DAB1: variants seen among roughly 807,000 people sequenced by gnomAD.
DAB1 encodes DAB adaptor protein 1, also known as disabled homolog 1.
In DAB1, 15 loss-of-function variants were observed where a neutral mutation model predicts 64.6. The ratio of observed to expected loss-of-function variants is 0.23; its 90% confidence interval spans 0.16 to 0.36. DAB1 has a LOEUF of 0.36. Ranked by LOEUF, DAB1 falls within the 10% of genes least tolerant of loss-of-function variation. DAB1 has a pLI of 1.00. For missense variants in DAB1, 596 were observed against 706.7 expected (o/e 0.84, Z 1.78); for synonymous variants, 235 against 251.9 (o/e 0.93, Z 0.64).
chr1:57,765,786 GTATTTTTATT>G (rs1165818304), intron 6 of DAB1, among the ~76,000 whole-genome samples: 1 of 152,054 alleles, frequency 6.6e-6, no homozygotes, highest in East Asian at 1.9e-4. Flanking sequence ...CTACTCCTTT[GTATTTTTATT>G]TATTTTTATT....
chr1:57,191,260 T>C (rs1368412793), intron 2 of DAB1, among the ~76,000 whole-genome samples: 5 of 152,180 alleles, frequency 3.3e-5, no homozygotes, highest in African/African-American at 1.2e-4. Flanking sequence ...TGGCCAAAGT[T>C]TCTTCCTCTG....
At chr1:58,415,373 T>A in intron 3 of DAB1, 2 of 241,262 alleles carry the variant, frequency 8.3e-6, no homozygotes, top group Non-Finnish European at 1.3e-5. Flanking sequence ...CATCACAACT[T>A]TTACGATTTA....
At chr1:57,787,691 C>A (rs112779407) in intron 6 of DAB1, among the ~76,000 whole-genome samples, 1,786 of 152,024 alleles carry the variant, frequency 0.012, 29 homozygotes, top group African/African-American at 0.042. Context: ...TTAAAATCTT[C>A]GGCTTTTCAA....
chr1:58,477,351 T>C (rs767553093), intron 3 of DAB1, among the ~76,000 whole-genome samples: 2 of 152,184 alleles, frequency 1.3e-5, no homozygotes, highest in Admixed American at 6.5e-5. Flanking sequence ...TCAGATAAAA[T>C]TGTCAAGGAA....
chr1:57,438,394 G>GT (rs897496588), intron 7 of DAB1, among the ~76,000 whole-genome samples: 19 of 150,774 alleles, frequency 1.3e-4, no homozygotes, highest in Non-Finnish European at 2.5e-4. Context: ...ATAGTGGTTT[G>GT]TTTTTTTTTC....
chr1:57,588,811 T>C lies in DAB1; in HGVS notation n.625+60781A>G, dbSNP rs1201030357. On this transcript the variant is annotated intron_variant and non_coding_transcript_variant, in intron 7 of 20. Coordinates refer to the DAB1 transcript ENST00000485760. ...ATTTTAGCATATAATGAAGAAGGTATTTTAAAACTGGGGAAAAGGATAAAT... is the reference window on the plus strand; with the variant it reads ...ATTTTAGCATATAATGAAGAAGGTACTTTAAAACTGGGGAAAAGGATAAAT... Among the ~76,000 whole-genome samples, 4 of 152,170 alleles carry C rather than the reference T, an allele frequency of 2.6e-5. No homozygotes were observed. The East Asian group carries it at 7.7e-4, about 29-fold the overall frequency.
At chr1:57,563,798 G>A (rs1460300036) in intron 7 of DAB1, among the ~76,000 whole-genome samples, 4 of 152,168 alleles carry the variant, frequency 2.6e-5, no homozygotes, top group Non-Finnish European at 4.4e-5. Flanking sequence ...CTGGAAGCTC[G>A]AACTAGGTGG....
chr1:58,471,983 T>G (rs1256026558), intron 3 of DAB1, among the ~76,000 whole-genome samples: 1 of 152,248 alleles, frequency 6.6e-6, no homozygotes, highest in Non-Finnish European at 1.5e-5. Context: ...TTATAGTGAG[T>G]GCAAAATTGG....
intron 6 of DAB1, among the ~76,000 whole-genome samples, chr1:57,806,474 A>G (rs2101878915): frequency 1.3e-5 from 2 of 152,298 alleles, no homozygotes; most frequent in Middle Eastern, 6.8e-3. Flanking sequence ...TTTGTCTTCA[A>G]ACCAAGGCAA....
chr1:58,013,708 A>G (rs1646701152), intron 5 of DAB1, among the ~76,000 whole-genome samples: 1 of 152,114 alleles, frequency 6.6e-6, no homozygotes. Context: ...AATAATAACC[A>G]GTGGTTTGCT....
At chr1:58,148,963 G>T (rs950674402) in intron 5 of DAB1, among the ~76,000 whole-genome samples, 1 of 152,132 alleles carries the variant, frequency 6.6e-6, no homozygotes, top group Non-Finnish European at 1.5e-5. Flanking sequence ...GCCTGGAATG[G>T]TCTTTACTCC....
chr1:58,037,393 C>G (rs1302606193), intron 5 of DAB1, among the ~76,000 whole-genome samples: 28 of 152,128 alleles, frequency 1.8e-4, no homozygotes, highest in Admixed American at 1.8e-3. Context: ...TGGATGAATA[C>G]TAGTCTGTGG....
At chr1:57,653,888 G>A (rs1193665295) in intron 6 of DAB1, among the ~76,000 whole-genome samples, 1 of 152,196 alleles carries the variant, frequency 6.6e-6, no homozygotes, top group Non-Finnish European at 1.5e-5. Context: ...TGGGATTACA[G>A]GCCTGAGCCA....
chr1:58,445,587 G>C (rs1356043892), intron 3 of DAB1, among the ~76,000 whole-genome samples: 1 of 152,198 alleles, frequency 6.6e-6, no homozygotes, highest in African/African-American at 2.4e-5. Context: ...AGGTGCTTCT[G>C]TTCTTGGATC....
chr1:58,222,676 A>G (rs1659238580), intron 4 of DAB1, among the ~76,000 whole-genome samples: 1 of 152,232 alleles, frequency 6.6e-6, no homozygotes, highest in African/African-American at 2.4e-5. Context: ...GGCAGAGCCT[A>G]ATGCAGAGTC....
intron 3 of DAB1, among the ~76,000 whole-genome samples, chr1:58,355,856 C>T (rs1056566168): frequency 6.6e-6 from 1 of 152,268 alleles, no homozygotes; most frequent in Middle Eastern, 3.4e-3. Flanking sequence ...CTCAAGGGCA[C>T]CCTGCTTAGA....
At chr1:57,590,554 A>G (rs1204286559) in intron 7 of DAB1, among the ~76,000 whole-genome samples, 1 of 151,778 alleles carries the variant, frequency 6.6e-6, no homozygotes, top group Non-Finnish European at 1.5e-5. Flanking sequence ...GATGGTTTCA[A>G]TCTCTTAACC....
chr1:58,208,552 T>C (rs1197739709), intron 4 of DAB1, among the ~76,000 whole-genome samples: 1 of 152,184 alleles, frequency 6.6e-6, no homozygotes, highest in Non-Finnish European at 1.5e-5. Context: ...TGTCTGGTTT[T>C]CCATTCCCGA....
chr1:58,495,425 T>A (rs901429108), intron 3 of DAB1, among the ~76,000 whole-genome samples: 1 of 151,950 alleles, frequency 6.6e-6, no homozygotes, highest in Admixed American at 6.6e-5. Flanking sequence ...ATAATAATAA[T>A]AATAATACAT....
Sources: allele counts gnomAD v4.1 joint callset (sites outside exome capture counted in the v4.1 genomes callset), GRCh38; gene constraint gnomAD v4.1.1; transcripts MANE v1.5; gene names NCBI Gene and HGNC (gene_info 2026-07-23, HGNC 2026-07-21).